The following MYPN variants were observed in gnomAD, a reference collection of about 807,000 sequenced individuals.
MYPN encodes sarcomeric protein myopalladin, 145 kDa (MYOP).
A neutral mutation model predicts 129.4 loss-of-function variants in MYPN; 63 were observed. The observed-to-expected ratio is 0.49, with a 90% CI of 0.40 to 0.60. MYPN has a LOEUF of 0.60. Among genes scored for constraint, MYPN ranks in the 20% least tolerant of loss-of-function variants. The pLI is 0.00. For missense variants in MYPN, 1,596 were observed against 1,635.4 expected (o/e 0.98, Z 0.42); for synonymous variants, 629 against 600.9 (o/e 1.05, Z -0.68).
chr10:68,210,310 C>A lies in MYPN; in HGVS notation c.3818C>A (p.Pro1273Gln). ...IYAQWHHQIP[P>Q]PMSVRPSGSR... Reference sequence around the variant, plus strand: ...GCTCAGTGGCACCATCAGATCCCACCGCCCATGTCTGTCCGGCCCAGTGGC... The same window carrying A: ...GCTCAGTGGCACCATCAGATCCCACAGCCCATGTCTGTCCGGCCCAGTGGC... The change falls in exon 20 of 20, where the codon CCG becomes CAG. Residue 1273 changes from proline (P) to glutamine (Q), a missense_variant. By Grantham distance (76) the Pro-to-Gln change is moderately conservative. Transcript: ENST00000358913. The A allele has an allele frequency of 6.2e-7, 1 of 1,613,798 alleles. No homozygotes were observed. Among genetic ancestry groups the A allele is most frequent in the Non-Finnish European group, 8.5e-7 (1 of 1,180,036 alleles).
chr10:68,120,192 C>T (rs762662377), intron 1 of MYPN, among the ~76,000 whole-genome samples: 4 of 152,114 alleles, frequency 2.6e-5, no homozygotes, highest in Non-Finnish European at 5.9e-5. Flanking sequence ...AATCACTGAG[C>T]TGCAGCTTTT....
rs776674148 is a variant in MYPN at position 68,121,950 on chromosome 10, A to G, written c.512A>G (p.Lys171Arg). The G allele has an allele frequency of 5.0e-6, 8 of 1,614,210 alleles. No homozygotes were observed. In the South Asian group the frequency reaches 6.6e-5, roughly 13 times the overall value. Residue 171 changes from lysine to arginine, a missense_variant, in exon 2 of 20, where the codon AAA becomes AGA. By Grantham distance (26) the Lys-to-Arg change is conservative. Coordinates refer to ENST00000358913, the MANE Select transcript of MYPN (RefSeq NM_032578.4). ...TCCCTTTTCAAATCCCACAGCTCCA[A>G]AAGGATTAGACCTCGTGCCTGCAAA... ...LSSLFKSHSS[K>R]RIRPRACKNH...
intron 3 of MYPN, among the ~76,000 whole-genome samples, chr10:68,144,444 G>A (rs2042628783): frequency 6.6e-6 from 1 of 152,138 alleles, no homozygotes; most frequent in South Asian, 2.1e-4. Flanking sequence ...CAAGTACATA[G>A]TGAGTATTTG....
chr10:68,146,864 A>G (rs1394094216), intron 4 of MYPN, among the ~76,000 whole-genome samples: 1 of 152,192 alleles, frequency 6.6e-6, no homozygotes, highest in Non-Finnish European at 1.5e-5. Context: ...TGTAGTCTTT[A>G]TTTGGAGCAA....
intron 12 of MYPN, 72 bp from the exon 13 acceptor site, chr10:68,188,833 T>G: frequency 7.7e-7 from 1 of 1,295,968 alleles, no homozygotes; most frequent in East Asian, 2.4e-5. Context: ...AAAAAGTGGC[T>G]TCCTCAATTG....
intron 1 of MYPN, among the ~76,000 whole-genome samples, chr10:68,100,075 A>G (rs1434226562): frequency 6.6e-6 from 1 of 152,200 alleles, no homozygotes; most frequent in Admixed American, 6.5e-5. Flanking sequence ...GGAAAATCTT[A>G]AAGTATGCTT....
rs1276564591 is a variant in MYPN at position 68,211,329 on chromosome 10, C to G, written c.*874C>G. 4.0e-5 allele frequency: 18 copies of G among 453,942 alleles called. No individual in the cohort carries two copies. The East Asian group carries it at 1.3e-3, about 32-fold the overall frequency. The allele number at this position is 453,942 out of a possible 1,614,324, so 28.1% of individuals were successfully genotyped here. A position where few individuals can be genotyped will look rare whatever the true frequency, so the allele number is the denominator to read the frequency against. On this transcript the variant is annotated 3_prime_UTR_variant, in exon 20 of 20. Coordinates refer to ENST00000358913, the MANE Select transcript of MYPN (RefSeq NM_032578.4). Reference sequence around the variant, plus strand: ...GTCATCATTTGCCCATAAAATACACCTCATGGGCTCCTACCCCTTTCCCCA... The same window carrying G: ...GTCATCATTTGCCCATAAAATACACGTCATGGGCTCCTACCCCTTTCCCCA...
chr10:68,174,088 C>A lies in MYPN; in HGVS notation c.1996C>A (p.Leu666Ile). The A allele has an allele frequency of 6.2e-7, 1 of 1,613,906 alleles. No individual in the cohort carries two copies. The highest frequency in any genetic ancestry group is 8.5e-7 in the Non-Finnish European group (1 of 1,179,832). ...CAGTGATTCCACTCAGTTACAACAGCTTCATAACCAAGTCTTACTGGAACA... is the reference window on the plus strand; with the variant it reads ...CAGTGATTCCACTCAGTTACAACAGATTCATAACCAAGTCTTACTGGAACA... ...PKLDSTQLQQ[L>I]HNQVLLEQHQ... Residue 666 changes from leucine to isoleucine, a missense_variant, in exon 11 of 20, where the codon CTT (leucine) becomes ATT (isoleucine). Physicochemically the swap from Leu to Ile is conservative, Grantham distance 5. Transcript: ENST00000358913.
chr10:68,194,979 A>T (rs2043580280), intron 14 of MYPN, among the ~76,000 whole-genome samples: 2 of 152,212 alleles, frequency 1.3e-5, no homozygotes, highest in Admixed American at 6.5e-5. Context: ...ATAATCATCC[A>T]CTTTCCTTTT....
At chr10:68,157,797 A>G (rs1374305782) in intron 6 of MYPN, among the ~76,000 whole-genome samples, 6 of 151,414 alleles carry the variant, frequency 4.0e-5, no homozygotes, top group African/African-American at 1.5e-4. Context: ...AGCCATGATC[A>G]CAACACTGCA....
In MYPN at chr10:68,141,026, T is replaced by A. The variant is rs1007146473; in HGVS notation, c.903-1914T>A. Among the ~76,000 whole-genome samples, 4 of 151,632 alleles carry A rather than the reference T, an allele frequency of 2.6e-5. No homozygotes were observed. The South Asian group carries it at 6.2e-4, about 24-fold the overall frequency. ...AGGTTGAGGCTGGAGTGAACCATGATCATGCCACTGCACTCCAGGGCAACA... is the reference window on the plus strand; with the variant it reads ...AGGTTGAGGCTGGAGTGAACCATGAACATGCCACTGCACTCCAGGGCAACA... On this transcript the variant is annotated intron_variant, in intron 2 of 19. Transcript: ENST00000358913.
rs2817760 is a variant in MYPN, at chr10:68,145,543, G to A, written c.1130+17G>A. 186,429 of 1,604,334 alleles carry A rather than the reference G, an allele frequency of 0.12. 23,685 individuals are homozygous for A. Among genetic ancestry groups the A allele is most frequent in the African/African-American group, 0.65 (48,346 of 74,320 alleles). On this transcript the variant is annotated intron_variant, in intron 4 of 19. Coordinates refer to ENST00000358913, the MANE Select transcript of MYPN (RefSeq NM_032578.4). ...GATGAATCGGTAATTCTGATTTTCT[G>A]TCTTATAGCTTTAGCATCCTCAGAT...
chr10:68,128,393 G>A (rs1023757111), intron 2 of MYPN, among the ~76,000 whole-genome samples: 1 of 152,192 alleles, frequency 6.6e-6, no homozygotes, highest in Admixed American at 6.5e-5. Flanking sequence ...TTGTCTACAA[G>A]TAGTGTAGGA....
At position 68,201,481 on chromosome 10, in the gene MYPN, TCTC is replaced by T. The variant is rs2043709508; in HGVS notation, c.3494-346_3494-344del. 2.0e-5 allele frequency among the ~76,000 whole-genome samples: 3 copies of T among 152,084 alleles called. No homozygotes were observed. In the South Asian group the frequency reaches 6.2e-4, roughly 31 times the overall value. The stretch of plus-strand genomic sequence containing the variant: ...TTACTATTCAAATAAGAATGACCCT[TCTC>T]CACCAGGCACAGTGGCTTATGCCTG... On this transcript the variant is annotated intron_variant, in intron 17 of 19. Coordinates refer to ENST00000358913, the MANE Select transcript of MYPN (RefSeq NM_032578.4).
chr10:68,143,150 T>C (rs753264251), intron 3 of MYPN, 35 bp downstream of exon 3: 3 of 1,584,436 alleles, frequency 1.9e-6, no homozygotes, highest in Admixed American at 1.7e-5. Context: ...TGACACTTAA[T>C]AGTAAGACAT....
intron 12 of MYPN, among the ~76,000 whole-genome samples, chr10:68,185,261 G>A (rs991803889): frequency 1.3e-5 from 2 of 151,606 alleles, no homozygotes; most frequent in Non-Finnish European, 2.9e-5. Context: ...AAAAAGAAAA[G>A]AGAAAAAAAG....
intron 10 of MYPN, among the ~76,000 whole-genome samples, chr10:68,172,918 C>T (rs532413582): frequency 1.3e-5 from 2 of 151,806 alleles, no homozygotes; most frequent in South Asian, 4.2e-4. Flanking sequence ...ACTAAAAATA[C>T]AAAAATTAGC....
chr10:68,161,452 T>C (rs2042973257), intron 7 of MYPN, among the ~76,000 whole-genome samples: 2 of 151,886 alleles, frequency 1.3e-5, no homozygotes, highest in South Asian at 4.2e-4. Context: ...GAGGCAGAGG[T>C]TGCAGTGAGC....
At chr10:68,186,080 A>T (rs2043417536) in intron 12 of MYPN, among the ~76,000 whole-genome samples, 2 of 152,360 alleles carry the variant, frequency 1.3e-5, no homozygotes, top group South Asian at 4.1e-4. Flanking sequence ...TGTAGGAAAT[A>T]ATCTTAATAT....
Sources: gnomAD v4.1 joint callset for allele counts (sites outside exome capture counted in the v4.1 genomes callset) on GRCh38, gnomAD v4.1.1 for gene constraint, MANE v1.5 for transcripts, NCBI Gene and HGNC (gene_info 2026-07-23, HGNC 2026-07-21) for gene names.